SIM1: variants seen among roughly 807,000 people sequenced by gnomAD.
SIM1 encodes single-minded homolog 1.
Under a neutral mutation model 78.2 loss-of-function variants are expected in SIM1, and 18 were observed. That is an observed-to-expected ratio of 0.23 (90% CI 0.16 to 0.34). The LOEUF (loss-of-function observed/expected upper bound fraction) is 0.34. Among genes scored for constraint, SIM1 ranks in the 10% least tolerant of loss-of-function variants. The probability of loss-of-function intolerance (pLI) is 1.00; values close to 1 mark genes in which losing one functional copy is unlikely to be tolerated. For synonymous variants in SIM1, 417 were observed against 385.2 expected, an observed-to-expected ratio of 1.08 and a Z score of -0.97; for missense variants, 939 against 975.1, an observed-to-expected ratio of 0.96 and a Z score of 0.49.
In SIM1 at chr6:100,464,410, G is replaced by C. The variant is rs533774241; in HGVS notation, c.-468+204C>G. Among the ~76,000 whole-genome samples, 5 of 152,272 alleles carry C rather than the reference G, an allele frequency of 3.3e-5. No homozygotes were observed. The East Asian group carries it at 9.7e-4, about 30-fold the overall frequency. On this transcript the variant is annotated intron_variant, in intron 1 of 11. Coordinates refer to ENST00000369208, the MANE Select transcript of SIM1 (RefSeq NM_005068.3). ...GTGACACTTACACACCAAGTCTCTC[G>C]GGACTCCCAAGGCGACCCAGCGCTC...
At chr6:100,451,518 G>C (rs1368366086) in intron 3 of SIM1, among the ~76,000 whole-genome samples, 1 of 152,216 alleles carries the variant, frequency 6.6e-6, no homozygotes, top group Non-Finnish European at 1.5e-5. Flanking sequence ...AGCATGCTTA[G>C]ATGTGGCATT....
intron 9 of SIM1, among the ~76,000 whole-genome samples, chr6:100,441,949 T>C (rs1335442181): frequency 6.6e-6 from 1 of 152,166 alleles, no homozygotes; most frequent in Admixed American, 6.5e-5. Flanking sequence ...CACCTTCCAC[T>C]TCCACCCCTA....
chr6:100,449,716 G>A lies in SIM1; in HGVS notation c.349-17C>T. The A allele has an allele frequency of 5.0e-6, 8 of 1,601,112 alleles. No individual in the cohort carries two copies. Among genetic ancestry groups the A allele is most frequent in the Non-Finnish European group, 6.8e-6 (8 of 1,169,936 alleles). ...CAGCTCTACCTGTAAAGAGGAGGAT[G>A]TCGCCGTCGCCGTGGCGGTGGAATG... On this transcript the variant is annotated splice_polypyrimidine_tract_variant and intron_variant, in intron 4 of 11. Coordinates refer to ENST00000369208, the MANE Select transcript of SIM1 (RefSeq NM_005068.3).
At chr6:100,443,377 T>C (rs1028649642) in intron 9 of SIM1, among the ~76,000 whole-genome samples, 1 of 152,148 alleles carries the variant, frequency 6.6e-6, no homozygotes, top group Non-Finnish European at 1.5e-5. Context: ...GAAGTTGAGA[T>C]GTTAAATCTG....
At chr6:100,417,109 C>A (rs1369972981) in intron 10 of SIM1, among the ~76,000 whole-genome samples, 1 of 152,086 alleles carries the variant, frequency 6.6e-6, no homozygotes, top group African/African-American at 2.4e-5. Context: ...ACCTCCAGAC[C>A]CAATCACATT....
In SIM1 at chr6:100,415,854, A is replaced by G. The variant is rs552933006; in HGVS notation, c.1167+4936T>C. Among the ~76,000 whole-genome samples, 5 of 152,282 alleles carry G rather than the reference A, an allele frequency of 3.3e-5. No homozygotes were observed. In the South Asian group the frequency reaches 1.0e-3, roughly 32 times the overall value. ...TACAGATAAGACAGCTTGGGCACAG[A>G]GGGAGGTGGTGGGAAAGTCTCTTGG... On this transcript the variant is annotated intron_variant, in intron 10 of 11. Transcript: ENST00000369208.
chr6:100,442,908 C>T (rs952640111), intron 9 of SIM1, among the ~76,000 whole-genome samples: 17 of 151,920 alleles, frequency 1.1e-4, no homozygotes, highest in African/African-American at 3.4e-4. Context: ...AAGGATATGT[C>T]GGGTTTTATA....
intron 10 of SIM1, among the ~76,000 whole-genome samples, chr6:100,396,329 C>T (rs1312355138): frequency 2.0e-5 from 3 of 151,968 alleles, no homozygotes; most frequent in Non-Finnish European, 2.9e-5. Flanking sequence ...TGAGGTACTC[C>T]AGTCAAGACT....
At chr6:100,398,296 T>G (rs1477675934) in intron 10 of SIM1, among the ~76,000 whole-genome samples, 1 of 152,128 alleles carries the variant, frequency 6.6e-6, no homozygotes, top group Admixed American at 6.6e-5. Flanking sequence ...TAAAATTTAC[T>G]ATTATCCAGT....
Position 100,438,659 on chromosome 6 carries a change from C to T in SIM1, c.998+8609G>A, listed in dbSNP as rs561852666. 2.0e-4 allele frequency among the ~76,000 whole-genome samples: 30 copies of T among 152,314 alleles called. No individual in the cohort carries two copies. The East Asian group carries it at 3.5e-3, about 18-fold the overall frequency. On this transcript the variant is annotated intron_variant, in intron 9 of 11. Transcript: ENST00000369208. ...TCATTATATGAAAAAGACACATGCACATGCATGTTTATAGCAGCCCAATTT... is the reference window on the plus strand; with the variant it reads ...TCATTATATGAAAAAGACACATGCATATGCATGTTTATAGCAGCCCAATTT...
At chr6:100,434,157 C>A (rs1771978998) in intron 9 of SIM1, among the ~76,000 whole-genome samples, 1 of 152,178 alleles carries the variant, frequency 6.6e-6, no homozygotes, top group Non-Finnish European at 1.5e-5. Context: ...TGCTATCCTG[C>A]ACGTTGCTAT....
chr6:100,439,638 C>T (rs1772154232), intron 9 of SIM1, among the ~76,000 whole-genome samples: 1 of 152,120 alleles, frequency 6.6e-6, no homozygotes, highest in Non-Finnish European at 1.5e-5. Context: ...ACAAAAGGCT[C>T]CACTGAACAC....
chr6:100,413,447 C>T (rs995956257), intron 10 of SIM1, among the ~76,000 whole-genome samples: 8 of 152,130 alleles, frequency 5.3e-5, no homozygotes, highest in Non-Finnish European at 7.3e-5. Context: ...CTAATTTCAC[C>T]TTCCTCATTT....
chr6:100,428,058 A>G (rs1450888138), intron 9 of SIM1, among the ~76,000 whole-genome samples: 1 of 152,242 alleles, frequency 6.6e-6, no homozygotes, highest in African/African-American at 2.4e-5. Context: ...CCTACTAAGT[A>G]AGTGAGTTTA....
At chr6:100,430,075 GA>G (rs966341235) in intron 9 of SIM1, among the ~76,000 whole-genome samples, 36 of 149,894 alleles carry the variant, frequency 2.4e-4, no homozygotes, top group Admixed American at 7.3e-4. Flanking sequence ...TACCATAATT[GA>G]AAAAAAAAGA....
intron 10 of SIM1, among the ~76,000 whole-genome samples, chr6:100,411,341 T>G (rs190802016): frequency 6.6e-4 from 101 of 152,240 alleles, no homozygotes; most frequent in Non-Finnish European, 7.2e-4. Context: ...AGTTCAGGAC[T>G]GGAAACCCTG....
chr6:100,411,598 T>A (rs191180087), intron 10 of SIM1, among the ~76,000 whole-genome samples: 1 of 152,082 alleles, frequency 6.6e-6, no homozygotes, highest in Non-Finnish European at 1.5e-5. Context: ...GCACAATTTT[T>A]AAATTTATTT....
chr6:100,420,853 T>C lies in SIM1; in HGVS notation c.1104A>G (p.Arg368=). 1 of 1,614,070 alleles carries C rather than the reference T, an allele frequency of 6.2e-7. No homozygotes were observed. Among genetic ancestry groups the C allele is most frequent in the Non-Finnish European group, 8.5e-7 (1 of 1,180,008 alleles). Residue 368 remains arginine (R), a synonymous_variant, in exon 10 of 12, where the codon AGA becomes AGG. Coordinates refer to ENST00000369208, the MANE Select transcript of SIM1 (RefSeq NM_005068.3). ...SSSTPTMTDN[R]KGAKSRLSSS... is the part of the protein sequence containing the mutation. ...TGGAGAGCCGGGATTTGGCCCCCTT[T>C]CTGTTGTCAGTCATGGTGGGGGTGG... is the stretch of plus-strand genomic sequence containing the variant.
intron 10 of SIM1, among the ~76,000 whole-genome samples, chr6:100,413,656 T>A (rs1771320953): frequency 6.6e-6 from 1 of 152,156 alleles, no homozygotes; most frequent in Admixed American, 6.6e-5. Flanking sequence ...GTTATGATAG[T>A]AAACATCAAT....
Sources: gnomAD v4.1 joint callset for allele counts (sites outside exome capture counted in the v4.1 genomes callset) on GRCh38, gnomAD v4.1.1 for gene constraint, MANE v1.5 for transcripts, NCBI Gene and HGNC (gene_info 2026-07-23, HGNC 2026-07-21) for gene names.